ZFYVE9: variants seen among roughly 807,000 people sequenced by gnomAD.
ZFYVE9 encodes the protein zinc finger FYVE domain-containing protein 9.
In ZFYVE9, 43 loss-of-function variants were observed where a neutral mutation model predicts 126.7. That is an observed-to-expected ratio of 0.34 (90% CI 0.27 to 0.44). The LOEUF is 0.44. Ranked by LOEUF, ZFYVE9 falls within the 20% of genes least tolerant of loss-of-function variation. ZFYVE9 has a pLI of 1.00. For missense variants in ZFYVE9, 1,476 were observed against 1,697.0 expected (o/e 0.87, Z 2.29); for synonymous variants, 521 against 597.4 (o/e 0.87, Z 1.87).
At chr1:52,213,321 T>C (rs915411429) in intron 1 of ZFYVE9, among the ~76,000 whole-genome samples, 2 of 152,216 alleles carry the variant, frequency 1.3e-5, no homozygotes, top group Admixed American at 6.5e-5. Flanking sequence ...TTTTATTGTA[T>C]GTCACTTCTC....
Position 52,142,210 on chromosome 1 carries a change from C to T in ZFYVE9, c.-336C>T, listed in dbSNP as rs1644264480. 1 of 151,454 alleles carries T rather than the reference C, an allele frequency of 6.6e-6. No individual in the cohort carries two copies. The highest frequency in any genetic ancestry group is 6.6e-5 in the Admixed American group (1 of 15,210). The allele number at this position is 151,454 out of a possible 1,614,324, so 9.4% of individuals were successfully genotyped here. On this transcript the variant is annotated 5_prime_UTR_variant, in exon 1 of 19. Coordinates refer to ENST00000287727, the MANE Select transcript of ZFYVE9 (RefSeq NM_004799.4). The surrounding 1 kb of genome is among the most constrained non-coding windows in gnomAD (Gnocchi z 4.5). ...CCGGGATCCGCGTGGCTGCCGCGGC[C>T]CGGGCGCCGATGCGGCTGGGCGGGT...
intron 1 of ZFYVE9, among the ~76,000 whole-genome samples, chr1:52,206,374 C>T (rs1644978162): frequency 6.6e-6 from 1 of 152,100 alleles, no homozygotes; most frequent in Non-Finnish European, 1.5e-5. Context: ...ATTCTGTTGG[C>T]AAAGATAATC....
At chr1:52,326,431 A>G (rs551866550) in intron 13 of ZFYVE9, among the ~76,000 whole-genome samples, 1 of 152,324 alleles carries the variant, frequency 6.6e-6, no homozygotes, top group South Asian at 2.1e-4. Flanking sequence ...TCTAACTCTC[A>G]TAACTCTATG....
At position 52,274,478 on chromosome 1, in the gene ZFYVE9, A is replaced by G. The variant is rs755219419; in HGVS notation, c.2640A>G (p.Leu880=). ...GCTTTTCCTAGACGGATATTTGTCT[A>G]TTCTCTGGGAGTATAACTCAGGTTG... The part of the protein sequence containing the change: ...SPLPAETDIC[L]FSGSITQVGS... Residue 880 remains leucine, a synonymous_variant, in exon 8 of 19, where the codon CTA becomes CTG. Transcript: ENST00000287727. The G allele has an allele frequency of 3.4e-5, 55 of 1,609,968 alleles. No homozygotes were observed. The highest frequency in any genetic ancestry group is 1.7e-4 in the South Asian group (15 of 90,576).
intron 13 of ZFYVE9, among the ~76,000 whole-genome samples, chr1:52,307,189 C>T (rs922526913): frequency 3.3e-5 from 5 of 152,172 alleles, no homozygotes; most frequent in Non-Finnish European, 5.9e-5. Context: ...TTTGTTTGTA[C>T]AAGTATATCT....
chr1:52,171,874 G>T (rs1644574794), intron 1 of ZFYVE9, among the ~76,000 whole-genome samples: 1 of 152,038 alleles, frequency 6.6e-6, no homozygotes, highest in South Asian at 2.1e-4. Flanking sequence ...AAATTTGTTT[G>T]TGTTCATTGT....
At position 52,328,284 on chromosome 1, in the gene ZFYVE9, C is replaced by T. The variant is rs78134193; in HGVS notation, c.3439-4484C>T. Among the ~76,000 whole-genome samples the T allele has an allele frequency of 4.7e-3, 719 of 152,244 alleles. 27 individuals are homozygous for T. The East Asian group carries it at 0.076, about 16-fold the overall frequency. Reference sequence around the variant, plus strand: ...ATGTCCAGAAAAGAGGCAATTAGGCCTTGAACTATGGTGAAAATAGGTATA... The same window carrying T: ...ATGTCCAGAAAAGAGGCAATTAGGCTTTGAACTATGGTGAAAATAGGTATA... On this transcript the variant is annotated intron_variant, in intron 13 of 18. Transcript: ENST00000287727.
At chr1:52,336,250 A>G (rs1440467349) in intron 15 of ZFYVE9, among the ~76,000 whole-genome samples, 1 of 152,168 alleles carries the variant, frequency 6.6e-6, no homozygotes, top group Non-Finnish European at 1.5e-5. Flanking sequence ...TAAATTTAAT[A>G]AAACAGTGAG....
chr1:52,337,147 G>A (rs537255815), intron 15 of ZFYVE9, among the ~76,000 whole-genome samples: 2 of 152,206 alleles, frequency 1.3e-5, no homozygotes, highest in Non-Finnish European at 2.9e-5. Context: ...TTCATTGTGT[G>A]TCAGTGAAGC....
chr1:52,292,469 CTTTTTTTTTTTTTT>C (rs1159852399), intron 10 of ZFYVE9, among the ~76,000 whole-genome samples: 4 of 102,036 alleles, frequency 3.9e-5, no homozygotes, highest in African/African-American at 8.1e-5. Flanking sequence ...CTGAACATTT[CTTTTTTTTTTTTTT>C]TTTTTTTTGA....
chr1:52,267,686 G>A (rs1387710809), intron 6 of ZFYVE9, among the ~76,000 whole-genome samples: 1 of 151,750 alleles, frequency 6.6e-6, no homozygotes, highest in Non-Finnish European at 1.5e-5. Flanking sequence ...CATACTCCTT[G>A]TATTTTTATG....
At chr1:52,286,825 A>G (rs1408401321) in intron 10 of ZFYVE9, among the ~76,000 whole-genome samples, 1 of 152,104 alleles carries the variant, frequency 6.6e-6, no homozygotes, top group Non-Finnish European at 1.5e-5. Context: ...TTTTAGTCTC[A>G]TCTCCTGCTA....
At chr1:52,305,970 A>G (rs577318485) in intron 13 of ZFYVE9, among the ~76,000 whole-genome samples, 18 of 152,304 alleles carry the variant, frequency 1.2e-4, no homozygotes, top group African/African-American at 3.1e-4. Context: ...GTGCAGCTCA[A>G]TGCTGGCCTG....
Position 52,238,714 on chromosome 1 carries a change from G to C in ZFYVE9, c.1297G>C (p.Gly433Arg). The C allele has an allele frequency of 6.2e-7, 1 of 1,614,082 alleles. No homozygotes were observed. ...GATTAGTCAGCCTGAGGACACTAAT[G>C]GTGATAGTGGAGGACAGTGTGTTGG... is the stretch of plus-strand genomic sequence containing the variant. ...LQISQPEDTN[G>R]DSGGQCVGLA... The change falls in exon 4 of 19, where the codon GGT becomes CGT. Residue 433 changes from glycine (G) to arginine (R), a missense_variant. Gly to Arg is a moderately radical substitution (Grantham distance 125, BLOSUM62 -2). This residue lies in a region of ZFYVE9 where 807 missense variants were observed against 794.6 expected (regional missense o/e 1.02). Transcript: ENST00000287727.
chr1:52,172,254 G>C (rs1277047773), intron 1 of ZFYVE9, among the ~76,000 whole-genome samples: 1 of 152,294 alleles, frequency 6.6e-6, no homozygotes. Flanking sequence ...TTATTAAATA[G>C]GGAATCCTTT....
chr1:52,288,771 C>T (rs1395167625), intron 10 of ZFYVE9, among the ~76,000 whole-genome samples: 1 of 151,540 alleles, frequency 6.6e-6, no homozygotes, highest in East Asian at 1.9e-4. Context: ...GCTAAAAATA[C>T]AAAAATTAGC....
intron 17 of ZFYVE9, among the ~76,000 whole-genome samples, chr1:52,344,352 T>A (rs1412347818): frequency 1.3e-5 from 2 of 152,336 alleles, no homozygotes; most frequent in East Asian, 3.9e-4. Context: ...TAAGACTAAT[T>A]GTAAAATAAA....
At chr1:52,339,566 C>T (rs1283407000) in intron 16 of ZFYVE9, among the ~76,000 whole-genome samples, 1 of 152,190 alleles carries the variant, frequency 6.6e-6, no homozygotes, top group African/African-American at 2.4e-5. Flanking sequence ...GCTGGGATTA[C>T]AGGCGTGAGC....
At chr1:52,344,661 G>A in intron 17 of ZFYVE9, 107 bp from the exon 18 acceptor site, 1 of 1,227,664 alleles carries the variant, frequency 8.1e-7, no homozygotes, top group Non-Finnish European at 1.1e-6. Context: ...TTCCTGTCAT[G>A]TCTTCTTGCA....
Sources: gnomAD v4.1 joint callset for allele counts (sites outside exome capture counted in the v4.1 genomes callset) on GRCh38, gnomAD v4.1.1 for gene constraint, gnomAD v4.1.1 regional missense constraint, Gnocchi (gnomAD v3.1) non-coding constraint, MANE v1.5 for transcripts, NCBI Gene and HGNC (gene_info 2026-07-23, HGNC 2026-07-21) for gene names.